GRM7: variants seen among roughly 807,000 people sequenced by gnomAD.
GRM7 encodes glutamate metabotropic receptor 7.
GRM7 carries 35 observed loss-of-function variants against 84.5 expected under a neutral mutation model. That is an observed-to-expected ratio of 0.41 (90% CI 0.32 to 0.55). GRM7 has a LOEUF of 0.55. GRM7 is among the 20% of genes least tolerant of loss of function. GRM7 has a pLI of 0.19. For missense variants in GRM7, 1,003 were observed against 1,194.6 expected (o/e 0.84, Z 2.36); for synonymous variants, 487 against 455.1 (o/e 1.07, Z -0.89).
chr3:7,693,137 A>C (rs1700872628), intron 9 of GRM7, among the ~76,000 whole-genome samples: 1 of 152,126 alleles, frequency 6.6e-6, no homozygotes, highest in Non-Finnish European at 1.5e-5. Flanking sequence ...GAATTCATTG[A>C]AATCCATTGA....
At chr3:7,534,954 G>A (rs1439726291) in intron 7 of GRM7, among the ~76,000 whole-genome samples, 1 of 152,100 alleles carries the variant, frequency 6.6e-6, no homozygotes. Context: ...ATGTACATGC[G>A]AGCTATTGCC....
intron 8 of GRM7, among the ~76,000 whole-genome samples, chr3:7,604,584 T>G (rs1394076800): frequency 6.6e-6 from 1 of 152,152 alleles, no homozygotes; most frequent in African/African-American, 2.4e-5. Flanking sequence ...TCAGTTTTCT[T>G]GCAAAGGTTT....
chr3:7,300,403 AT>A (rs1332121583), intron 3 of GRM7, among the ~76,000 whole-genome samples: 1 of 152,158 alleles, frequency 6.6e-6, no homozygotes, highest in African/African-American at 2.4e-5. Context: ...AGAGTTTTGA[AT>A]TTTTAAATGA....
At chr3:7,317,829 G>A (rs537574498) in intron 4 of GRM7, among the ~76,000 whole-genome samples, 12 of 151,984 alleles carry the variant, frequency 7.9e-5, no homozygotes, top group African/African-American at 2.6e-4. Context: ...AAGAAGAGGT[G>A]AGGGAATAAA....
At chr3:7,207,725 C>G (rs1157057996) in intron 2 of GRM7, among the ~76,000 whole-genome samples, 2 of 152,142 alleles carry the variant, frequency 1.3e-5, no homozygotes, top group Admixed American at 1.3e-4. Context: ...ATGTGAGACT[C>G]TGGAATAAGA....
chr3:7,472,028 G>A (rs1249813642), intron 7 of GRM7, among the ~76,000 whole-genome samples: 3 of 152,114 alleles, frequency 2.0e-5, no homozygotes, highest in African/African-American at 4.8e-5. Flanking sequence ...GCCCTACCTC[G>A]GAGGTGAGTG....
intron 4 of GRM7, among the ~76,000 whole-genome samples, chr3:7,385,327 G>A (rs1261307006): frequency 9.0e-6 from 1 of 111,654 alleles, no homozygotes; most frequent in Non-Finnish European, 1.7e-5. Context: ...TTAAGACAGA[G>A]TCTCGCTCTG....
At chr3:6,901,278 T>G (rs2125003524) in intron 1 of GRM7, among the ~76,000 whole-genome samples, 1 of 151,626 alleles carries the variant, frequency 6.6e-6, no homozygotes, top group African/African-American at 2.4e-5. Flanking sequence ...TTAAAAAGAG[T>G]TTTTCTTCCT....
chr3:7,457,789 T>C (rs1698079729), intron 6 of GRM7, among the ~76,000 whole-genome samples: 1 of 152,186 alleles, frequency 6.6e-6, no homozygotes, highest in African/African-American at 2.4e-5. Context: ...GATGCCCCAC[T>C]GATGGGCCAC....
intron 1 of GRM7, among the ~76,000 whole-genome samples, chr3:6,917,673 G>T (rs1696989389): frequency 6.6e-6 from 1 of 152,078 alleles, no homozygotes. Flanking sequence ...CTTTCCTCAG[G>T]AAAGTATTTC....
At chr3:7,702,012 C>T (rs189937662) in intron 9 of GRM7, among the ~76,000 whole-genome samples, 26 of 152,078 alleles carry the variant, frequency 1.7e-4, no homozygotes, top group African/African-American at 6.3e-4. Flanking sequence ...CACATGAAGT[C>T]TATATAGAAG....
intron 7 of GRM7, among the ~76,000 whole-genome samples, chr3:7,476,784 A>G (rs1308830507): frequency 6.6e-6 from 1 of 151,830 alleles, no homozygotes; most frequent in Non-Finnish European, 1.5e-5. Flanking sequence ...TCATACCCAC[A>G]CTTCTGTCTC....
chr3:7,714,350 G>C (rs752678364), intron 9 of GRM7, among the ~76,000 whole-genome samples: 17 of 152,132 alleles, frequency 1.1e-4, no homozygotes, highest in Admixed American at 3.9e-4. Context: ...GATTTAAACA[G>C]TCATGTGAAA....
intron 1 of GRM7, among the ~76,000 whole-genome samples, chr3:7,039,843 T>C (rs570325006): frequency 6.6e-6 from 1 of 152,304 alleles, no homozygotes; most frequent in East Asian, 1.9e-4. Flanking sequence ...AATGCTTATT[T>C]CCCATTTCAA....
intron 7 of GRM7, among the ~76,000 whole-genome samples, chr3:7,487,507 G>A (rs1459969055): frequency 3.3e-5 from 5 of 152,140 alleles, no homozygotes; most frequent in African/African-American, 9.7e-5. Context: ...CTGCTGCCCA[G>A]GACCACCTCT....
chr3:7,620,582 C>A (rs568433477), intron 8 of GRM7, among the ~76,000 whole-genome samples: 1 of 152,034 alleles, frequency 6.6e-6, no homozygotes, highest in Non-Finnish European at 1.5e-5. Context: ...CCAGGCAGTG[C>A]GGCACTTGGG....
chr3:6,925,461 A>G (rs1697266319), intron 1 of GRM7, among the ~76,000 whole-genome samples: 1 of 152,080 alleles, frequency 6.6e-6, no homozygotes, highest in Non-Finnish European at 1.5e-5. Context: ...AATCAATTTA[A>G]CTTCAAACTC....
intron 7 of GRM7, among the ~76,000 whole-genome samples, chr3:7,488,686 C>T (rs1395744282): frequency 6.6e-6 from 1 of 152,200 alleles, no homozygotes; most frequent in African/African-American, 2.4e-5. Context: ...AGAATCATGA[C>T]AGAAATTATC....
intron 9 of GRM7, among the ~76,000 whole-genome samples, chr3:7,725,180 C>T (rs1290358435): frequency 1.3e-5 from 2 of 152,092 alleles, no homozygotes; most frequent in Non-Finnish European, 2.9e-5. Flanking sequence ...AACTAGGGAG[C>T]AACTGGGGGT....
Sources: gnomAD v4.1 joint callset for allele counts (sites outside exome capture counted in the v4.1 genomes callset) on GRCh38, gnomAD v4.1.1 for gene constraint, MANE v1.5 for transcripts, NCBI Gene and HGNC (gene_info 2026-07-23, HGNC 2026-07-21) for gene names.